The following ZKSCAN1 variants were observed in gnomAD, a reference collection of about 807,000 sequenced individuals.
The protein encoded by ZKSCAN1 is zinc finger with KRAB and SCAN domains 1, also known as zinc finger protein with KRAB and SCAN domains 1.
Under a neutral mutation model 51.6 loss-of-function variants are expected in ZKSCAN1, and 14 were observed. The ratio of observed to expected loss-of-function variants is 0.27; its 90% CI spans 0.18 to 0.42. ZKSCAN1 has a LOEUF of 0.42. Among genes scored for constraint, ZKSCAN1 ranks in the 10% least tolerant of loss-of-function variants. ZKSCAN1 has a pLI of 1.00. For missense variants in ZKSCAN1, 531 were observed against 710.0 expected, an observed-to-expected ratio of 0.75 and a Z score of 2.86; for synonymous variants, 263 against 261.5, an observed-to-expected ratio of 1.01 and a Z score of -0.06.
At position 100,041,321 on chromosome 7, in the gene ZKSCAN1, G is replaced by C. The variant is rs748430098; in HGVS notation, c.*7124G>C. 9 of 984,424 alleles carry C rather than the reference G, an allele frequency of 9.1e-6. No homozygotes were observed. The highest frequency in any genetic ancestry group is 1.1e-5 in the Non-Finnish European group (9 of 829,320). The allele number at this position is 984,424 out of a possible 1,614,324, so 61.0% of individuals were successfully genotyped here. A position where few individuals can be genotyped will look rare whatever the true frequency, so the allele number is the denominator to read the frequency against. On this transcript the variant is annotated 3_prime_UTR_variant, in exon 6 of 6. Coordinates refer to ENST00000324306, the MANE Select transcript of ZKSCAN1 (RefSeq NM_003439.4). ...GATGCTTGGTAGATGTTCAATACGT[G>C]ATTTTTTTTTTAATTGAATGTGTTC...
Position 100,034,011 on chromosome 7 carries a change from A to G in ZKSCAN1, c.1506A>G (p.Ser502=). The change falls in exon 6 of 6, where the codon TCA becomes TCG. Residue 502 remains serine, a synonymous_variant. Transcript: ENST00000324306. The part of the protein sequence containing the change: ...SECGKAFNRN[S]YLILHRRIHT... ...GTGGAAAAGCTTTCAACCGAAACTC[A>G]TACCTGATTTTGCATCGGAGAATTC... 2 of 1,614,128 alleles carry G rather than the reference A, an allele frequency of 1.2e-6. No homozygotes were observed. Among genetic ancestry groups the G allele is most frequent in the Non-Finnish European group, 1.7e-6 (2 of 1,180,014 alleles).
Position 100,023,604 on chromosome 7 carries a change from A to G in ZKSCAN1, c.98A>G (p.Glu33Gly). Residue 33 changes from glutamate to glycine, a missense_variant, in exon 2 of 6, where the codon GAG becomes GGG. By Grantham distance (98) the Glu-to-Gly change is moderately conservative. Coordinates refer to ENST00000324306, the MANE Select transcript of ZKSCAN1 (RefSeq NM_003439.4). ...IVIVKVEEED[E>G]EDHMWGQDST... Reference sequence around the variant, plus strand: ...ATAGTGAAGGTGGAAGAGGAAGATGAGGAAGACCACATGTGGGGGCAGGAT... The same window carrying G: ...ATAGTGAAGGTGGAAGAGGAAGATGGGGAAGACCACATGTGGGGGCAGGAT... The G allele has an allele frequency of 6.2e-7, 1 of 1,613,956 alleles. No individual in the cohort carries two copies. The highest frequency in any genetic ancestry group is 8.5e-7 in the Non-Finnish European group (1 of 1,180,026).
chr7:100,018,398 C>A (rs889423843), intron 1 of ZKSCAN1, among the ~76,000 whole-genome samples: 34 of 151,786 alleles, frequency 2.2e-4, no homozygotes, highest in Non-Finnish European at 4.4e-4. Context: ...AAAGAAACAT[C>A]ATGAGAAATT....
At chr7:100,030,215 G>A (rs986905777) in intron 4 of ZKSCAN1, 34 bp from the exon 5 acceptor site, 41 of 1,605,508 alleles carry the variant, frequency 2.6e-5, no homozygotes, top group Non-Finnish European at 3.1e-5. Context: ...CCTGAGTTTG[G>A]GGGGAAATGA....
chr7:100,021,766 A>ATAGGGCTTTGCTCTGTCACCCAG (rs1372697003), intron 1 of ZKSCAN1, among the ~76,000 whole-genome samples: 1 of 133,226 alleles, frequency 7.5e-6, no homozygotes, highest in East Asian at 2.2e-4. Context: ...CCTTTTCCTG[A>ATAGGGCTTTGCTCTGTCACCCAG]TAGGGCTTTG....
Position 100,036,378 on chromosome 7 carries a change from T to C in ZKSCAN1, c.*2181T>C. 7 of 985,416 alleles carry C rather than the reference T, an allele frequency of 7.1e-6. No homozygotes were observed. Among genetic ancestry groups the C allele is most frequent in the Non-Finnish European group, 8.4e-6 (7 of 829,922 alleles). The allele number at this position is 985,416 out of a possible 1,614,324, so 61.0% of individuals were successfully genotyped here. A position where few individuals can be genotyped will look rare whatever the true frequency, so the allele number is the denominator to read the frequency against. On this transcript the variant is annotated 3_prime_UTR_variant, in exon 6 of 6. Transcript: ENST00000324306. ...CAAAGAATAAGCCACAGCAATGGTT[T>C]TGTAGAAAACTCCTGTGCTTTTGAG...
intron 2 of ZKSCAN1, 52 bp from the exon 3 acceptor site, chr7:100,024,102 A>C (rs1301552802): frequency 2.6e-6 from 4 of 1,562,876 alleles, no homozygotes; most frequent in Non-Finnish European, 2.6e-6. Context: ...TAAATATTTT[A>C]ATTCCCATTT....
rs1790677154 is a variant in ZKSCAN1, at chr7:100,023,499, GA to G, written c.-7del. The G allele has an allele frequency of 6.2e-7, 1 of 1,604,858 alleles. No homozygotes were observed. The highest frequency in any genetic ancestry group is 8.5e-7 in the Non-Finnish European group (1 of 1,176,060). On this transcript the variant is annotated 5_prime_UTR_variant, in exon 2 of 6. Transcript: ENST00000324306. Reference sequence around the variant, plus strand: ...CCTGTTTGGATCAAGTCAGTTCCTGGAGCCTGAATGATGACTGCTGAATCAC... The same window carrying G: ...CCTGTTTGGATCAAGTCAGTTCCTGGGCCTGAATGATGACTGCTGAATCAC...
chr7:100,041,516 A>G lies in ZKSCAN1; in HGVS notation c.*7319A>G, dbSNP rs1791592234. 1 of 985,166 alleles carries G rather than the reference A, an allele frequency of 1.0e-6. No homozygotes were observed. The highest frequency in any genetic ancestry group is 4.7e-5 in the South Asian group (1 of 21,292). 61.0% of individuals were successfully genotyped at this position (985,166 alleles called of 1,614,324 possible). ...CATAAGAGAAAAGGCAGCATAATGAAATGTGTACACATACATAGTCAGTGG... is the reference window on the plus strand; with the variant it reads ...CATAAGAGAAAAGGCAGCATAATGAGATGTGTACACATACATAGTCAGTGG... On this transcript the variant is annotated 3_prime_UTR_variant, in exon 6 of 6. Transcript: ENST00000324306.
At chr7:100,021,620 C>A (rs943084565) in intron 1 of ZKSCAN1, among the ~76,000 whole-genome samples, 1 of 152,086 alleles carries the variant, frequency 6.6e-6, no homozygotes, top group Non-Finnish European at 1.5e-5. Context: ...TTGGTTTTTA[C>A]CTCCTAATGT....
chr7:100,044,503 TA>T (rs368089109), downstream of ZKSCAN1, among the ~76,000 whole-genome samples: 1 of 150,848 alleles, frequency 6.6e-6, no homozygotes, highest in East Asian at 1.9e-4. Context: ...CCGTCTCTAC[TA>T]AAAAAAATAC....
In ZKSCAN1 at chr7:100,033,665, C is replaced by T. The variant is rs943537435; in HGVS notation, c.1160C>T (p.Thr387Met). ...HRCDECGKCF[T>M]RSSSLIRHKI... ...TGTGATGAATGTGGTAAATGCTTCACGAGAAGTTCAAGCCTTATCCGCCAT... is the reference window on the plus strand; with the variant it reads ...TGTGATGAATGTGGTAAATGCTTCATGAGAAGTTCAAGCCTTATCCGCCAT... The change falls in exon 6 of 6, where the codon ACG (threonine) becomes ATG (methionine). Residue 387 changes from threonine (T) to methionine (M), a missense_variant. Around this residue, in one of 2 missense-constraint regions of ZKSCAN1, gnomAD observed 403 missense variants for 490.5 expected, o/e 0.82. Coordinates refer to ENST00000324306, the MANE Select transcript of ZKSCAN1 (RefSeq NM_003439.4). The surrounding 1 kb of genome is among the most constrained non-coding windows in gnomAD (Gnocchi z 4.1). 6.2e-7 allele frequency: 1 copy of T among 1,614,198 alleles called. No homozygotes were observed. Among genetic ancestry groups the T allele is most frequent in the Non-Finnish European group, 8.5e-7 (1 of 1,180,036 alleles).
chr7:100,043,219 T>C (rs1791643505), downstream of ZKSCAN1, among the ~76,000 whole-genome samples: 1 of 151,984 alleles, frequency 6.6e-6, no homozygotes, highest in Admixed American at 6.6e-5. Context: ...CCCAGCCCTA[T>C]TTTTTCTTAA....
intron 1 of ZKSCAN1, among the ~76,000 whole-genome samples, chr7:100,021,115 C>CT (rs1562816875): frequency 3.7e-5 from 4 of 108,982 alleles, no homozygotes; most frequent in Admixed American, 2.1e-4. Flanking sequence ...TTTTTTTTTT[C>CT]CTTTTTTTTT....
Position 100,041,200 on chromosome 7 carries a change from C to A in ZKSCAN1, c.*7003C>A. 1 of 749,752 alleles carries A rather than the reference C, an allele frequency of 1.3e-6. No individual in the cohort carries two copies. Among genetic ancestry groups the A allele is most frequent in the Non-Finnish European group, 1.6e-6 (1 of 615,046 alleles). 46.4% of individuals were successfully genotyped at this position (749,752 alleles called of 1,614,324 possible). Reference sequence around the variant, plus strand: ...CTTCTTCGTTTAGAATAAATTAGACCAAAAGAAGAAACGTGCTTGTCTCTG... The same window carrying A: ...CTTCTTCGTTTAGAATAAATTAGACAAAAAGAAGAAACGTGCTTGTCTCTG... On this transcript the variant is annotated 3_prime_UTR_variant, in exon 6 of 6. Coordinates refer to ENST00000324306, the MANE Select transcript of ZKSCAN1 (RefSeq NM_003439.4).
In ZKSCAN1 at chr7:100,034,197, A is replaced by G. The variant is rs1791249025; in HGVS notation, c.1692A>G (p.Ter564=). The G allele has an allele frequency of 2.7e-6, 4 of 1,503,250 alleles. No individual in the cohort carries two copies. Among genetic ancestry groups the G allele is most frequent in the South Asian group, 1.3e-5 (1 of 74,476 alleles). The allele number at this position is 1,503,250 out of a possible 1,614,324, so 93.1% of individuals were successfully genotyped here. The change falls in exon 6 of 6, where the codon TAA becomes TAG. Residue 564 remains the stop codon, a stop_retained_variant. Coordinates refer to ENST00000324306, the MANE Select transcript of ZKSCAN1 (RefSeq NM_003439.4). The stretch of plus-strand genomic sequence containing the variant: ...GCGCGTTCCTGAAAAGTTGTGTGTA[A>G]AGGAAGAATTTGCCATCAAGCCATT... ...AFGAFLKSCV[*] is the part of the protein sequence containing the mutation.
In ZKSCAN1 at chr7:100,023,452, G is replaced by A; in HGVS notation, c.-55G>A. Reference sequence around the variant, plus strand: ...AAGAAACACATCATAAAACCTCCCAGGACATAAAGGTGAGCACAGACCCTG... The same window carrying A: ...AAGAAACACATCATAAAACCTCCCAAGACATAAAGGTGAGCACAGACCCTG... On this transcript the variant is annotated 5_prime_UTR_variant, in exon 2 of 6. Transcript: ENST00000324306. The A allele has an allele frequency of 6.5e-7, 1 of 1,532,988 alleles. No homozygotes were observed. Among genetic ancestry groups the A allele is most frequent in the Non-Finnish European group, 8.7e-7 (1 of 1,143,118 alleles). 95.0% of individuals were successfully genotyped at this position (1,532,988 alleles called of 1,614,324 possible).
chr7:100,024,490 AG>A, intron 3 of ZKSCAN1, 183 bp downstream of exon 3: 2 of 744,726 alleles, frequency 2.7e-6, no homozygotes, highest in Non-Finnish European at 4.2e-6. Flanking sequence ...GCTACGCAGG[AG>A]GCTGAGGTGG....
At chr7:100,043,842 T>A (rs1243369110), downstream of ZKSCAN1, among the ~76,000 whole-genome samples, 1 of 138,212 alleles carries the variant, frequency 7.2e-6, no homozygotes, top group African/African-American at 2.6e-5. Flanking sequence ...GAGGGCATGA[T>A]CTCAGCTCAC....
Sources: gnomAD v4.1 joint callset for allele counts (sites outside exome capture counted in the v4.1 genomes callset) on GRCh38, gnomAD v4.1.1 for gene constraint, gnomAD v4.1.1 regional missense constraint, Gnocchi (gnomAD v3.1) non-coding constraint, MANE v1.5 for transcripts, NCBI Gene and HGNC (gene_info 2026-07-23, HGNC 2026-07-21) for gene names.